Variants in CMSS1 observed in about 807,000 individuals in gnomAD.
CMSS1 encodes the protein cms1 ribosomal small subunit homolog.
A neutral mutation model predicts 43.5 loss-of-function variants in CMSS1; 33 were observed. The ratio of observed to expected loss-of-function variants is 0.76; its 90% CI spans 0.57 to 1.01. CMSS1 has a LOEUF of 1.01. Ranked by LOEUF, CMSS1 falls within the 50% of genes least tolerant of loss-of-function variation. The probability of loss-of-function intolerance (pLI) is 0.00; values close to 1 mark genes in which losing one functional copy is unlikely to be tolerated. For missense variants in CMSS1, 313 were observed against 326.4 expected (o/e 0.96, Z 0.32); for synonymous variants, 115 against 117.2 (o/e 0.98, Z 0.12).
chr3:100,171,520 C>T (rs1287631715), intron 6 of CMSS1, among the ~76,000 whole-genome samples: 1 of 152,016 alleles, frequency 6.6e-6, no homozygotes. Context: ...AATTTTCTGC[C>T]AGGGACCTGA....
chr3:100,140,666 G>T (rs1240031135), intron 1 of CMSS1, among the ~76,000 whole-genome samples: 1 of 152,100 alleles, frequency 6.6e-6, no homozygotes, highest in Non-Finnish European at 1.5e-5. Flanking sequence ...GTTCTTAACT[G>T]TGAGAACTAA....
intron 1 of CMSS1, among the ~76,000 whole-genome samples, chr3:100,031,679 T>G (rs2065024793): frequency 6.6e-6 from 1 of 152,098 alleles, no homozygotes; most frequent in Non-Finnish European, 1.5e-5. Context: ...AAGCCAATTT[T>G]CCTTCTAAGG....
chr3:99,899,869 A>C (rs1463474159), intron 1 of CMSS1, among the ~76,000 whole-genome samples: 1 of 152,190 alleles, frequency 6.6e-6, no homozygotes, highest in African/African-American at 2.4e-5. Flanking sequence ...TAGGGTTGTT[A>C]TATTTAAATG....
intron 1 of CMSS1, among the ~76,000 whole-genome samples, chr3:99,936,017 T>A (rs1353579562): frequency 6.6e-6 from 1 of 152,210 alleles, no homozygotes; most frequent in African/African-American, 2.4e-5. Context: ...AAAATCATTC[T>A]TTATTAATGT....
chr3:99,961,338 C>T (rs937209265), intron 1 of CMSS1, among the ~76,000 whole-genome samples: 11 of 152,144 alleles, frequency 7.2e-5, no homozygotes, highest in African/African-American at 2.7e-4. Flanking sequence ...AACCCCAATA[C>T]TCCATGGGGT....
At chr3:99,980,571 C>G (rs1187910349) in intron 1 of CMSS1, among the ~76,000 whole-genome samples, 2 of 152,070 alleles carry the variant, frequency 1.3e-5, no homozygotes, top group East Asian at 3.9e-4. Flanking sequence ...TTATTACAAA[C>G]TTAAGAAAAA....
intron 1 of CMSS1, among the ~76,000 whole-genome samples, chr3:99,942,167 AC>A (rs1220257662): frequency 6.6e-6 from 1 of 151,462 alleles, no homozygotes; most frequent in East Asian, 1.9e-4. Context: ...GTGCCACTGC[AC>A]TCCAGCCTGG....
intron 1 of CMSS1, among the ~76,000 whole-genome samples, chr3:100,064,556 T>C (rs2065629594): frequency 6.6e-6 from 1 of 152,204 alleles, no homozygotes; most frequent in Non-Finnish European, 1.5e-5. Flanking sequence ...CCCACTATTA[T>C]ATGTAGAGAA....
At chr3:99,827,461 G>T (rs966242671) in intron 1 of CMSS1, among the ~76,000 whole-genome samples, 9 of 152,094 alleles carry the variant, frequency 5.9e-5, no homozygotes, top group African/African-American at 2.2e-4. Context: ...CAAAGTGCTG[G>T]GATTACAGGT....
chr3:99,942,828 C>T (rs767121445), intron 1 of CMSS1, among the ~76,000 whole-genome samples: 15 of 126,106 alleles, frequency 1.2e-4, no homozygotes, highest in Non-Finnish European at 2.0e-4. Context: ...GACTCTGTCT[C>T]AAAAAAAAAA....
chr3:99,858,048 C>T (rs1392687006), intron 1 of CMSS1, among the ~76,000 whole-genome samples: 1 of 152,122 alleles, frequency 6.6e-6, no homozygotes, highest in Non-Finnish European at 1.5e-5. Context: ...AGCAGTAGTT[C>T]GTAACCTTTT....
chr3:100,081,465 A>G (rs780347613), intron 1 of CMSS1, among the ~76,000 whole-genome samples: 5 of 152,208 alleles, frequency 3.3e-5, no homozygotes, highest in African/African-American at 4.8e-5. Context: ...GAATCTGATT[A>G]TACTTGACAA....
At chr3:100,119,828 C>T (rs1559763871) in intron 1 of CMSS1, among the ~76,000 whole-genome samples, 1 of 152,088 alleles carries the variant, frequency 6.6e-6, no homozygotes, top group Non-Finnish European at 1.5e-5. Context: ...ATGTATTATC[C>T]TGTTCTTAAT....
chr3:99,822,150 C>G (rs1035792636), intron 1 of CMSS1, among the ~76,000 whole-genome samples: 1 of 152,150 alleles, frequency 6.6e-6, no homozygotes, highest in Non-Finnish European at 1.5e-5. Flanking sequence ...TATTAAATTA[C>G]CAAGTCGAGT....
In CMSS1 at chr3:99,931,159, T is replaced by G. The variant is rs868829788; in HGVS notation, c.64+113116T>G. The G allele has an allele frequency of 1.4e-5, 10 of 719,256 alleles. 1 individual carries two copies. In the Middle Eastern group the frequency reaches 2.6e-3, roughly 184 times the overall value. The allele number at this position is 719,256 out of a possible 1,614,324, so 44.6% of individuals were successfully genotyped here. On this transcript the variant is annotated intron_variant, in intron 1 of 9. Transcript: ENST00000421999. ...AGCCCCAAAGTCAATCTTTTTGATG[T>G]CTACAGCAGAGAAGGATATTAGCAG...
intron 1 of CMSS1, among the ~76,000 whole-genome samples, chr3:100,073,926 A>G (rs1051269892): frequency 9.9e-5 from 15 of 152,154 alleles, no homozygotes; most frequent in African/African-American, 3.6e-4. Context: ...GTTTTCACAG[A>G]GGAAGTAATG....
At chr3:99,896,618 T>C (rs1234658503) in intron 1 of CMSS1, among the ~76,000 whole-genome samples, 4 of 152,192 alleles carry the variant, frequency 2.6e-5, no homozygotes, top group East Asian at 1.9e-4. Flanking sequence ...TTTGATGGGC[T>C]AAGAACAAAG....
At chr3:100,130,962 G>A (rs2066701491) in intron 1 of CMSS1, among the ~76,000 whole-genome samples, 1 of 152,192 alleles carries the variant, frequency 6.6e-6, no homozygotes, top group African/African-American at 2.4e-5. Flanking sequence ...CAGTGTTCCA[G>A]AAGACAAAGG....
intron 1 of CMSS1, chr3:100,115,000 T>C: frequency 6.6e-7 from 1 of 1,510,214 alleles, no homozygotes; most frequent in Non-Finnish European, 8.9e-7. Flanking sequence ...TGCATGGTGG[T>C]ATGTTTATTA....
Sources: gnomAD v4.1 joint callset for allele counts (sites outside exome capture counted in the v4.1 genomes callset) on GRCh38, gnomAD v4.1.1 for gene constraint, MANE v1.5 for transcripts, NCBI Gene and HGNC (gene_info 2026-07-23, HGNC 2026-07-21) for gene names.